ARNT2: variants seen among roughly 807,000 people sequenced by gnomAD.
ARNT2 encodes ARNT protein 2.
In ARNT2, 36 loss-of-function variants were observed where a neutral mutation model predicts 91.7. The ratio of observed to expected loss-of-function variants is 0.39; its 90% CI spans 0.30 to 0.52. The LOEUF (loss-of-function observed/expected upper bound fraction) is 0.52. ARNT2 is among the 20% of genes least tolerant of loss of function. ARNT2 has a pLI of 0.72. For synonymous variants in ARNT2, 365 were observed against 347.1 expected (o/e 1.05, Z -0.57); for missense variants, 775 against 939.3 (o/e 0.83, Z 2.29).
chr15:80,514,650 G>A (rs1483627006), intron 8 of ARNT2, among the ~76,000 whole-genome samples: 1 of 152,220 alleles, frequency 6.6e-6, no homozygotes, highest in Non-Finnish European at 1.5e-5. Context: ...ACTTTGGGGG[G>A]CCAAGGCGGG....
intron 1 of ARNT2, among the ~76,000 whole-genome samples, chr15:80,433,233 A>G (rs1435992920): frequency 3.1e-5 from 3 of 95,550 alleles, no homozygotes; most frequent in Admixed American, 1.0e-4. Context: ...ACTATATTTT[A>G]TTTATTTTAT....
intron 8 of ARNT2, among the ~76,000 whole-genome samples, chr15:80,543,472 C>T (rs1421931631): frequency 2.7e-4 from 41 of 152,196 alleles, no homozygotes; most frequent in Admixed American, 2.7e-3. Flanking sequence ...ATGGGATATA[C>T]TTGCTATCAA....
chr15:80,487,149 C>A (rs1210658751), intron 5 of ARNT2, among the ~76,000 whole-genome samples: 2 of 152,206 alleles, frequency 1.3e-5, no homozygotes, highest in Non-Finnish European at 1.5e-5. Context: ...CCTTGCTGTA[C>A]TTCTCCCTGC....
At chr15:80,441,741 T>C (rs1302886362) in intron 1 of ARNT2, among the ~76,000 whole-genome samples, 1 of 152,188 alleles carries the variant, frequency 6.6e-6, no homozygotes, top group Non-Finnish European at 1.5e-5. Context: ...TACACTGTAT[T>C]ATAGGAATTC....
chr15:80,553,369 C>T (rs1056756734), intron 10 of ARNT2, among the ~76,000 whole-genome samples: 4 of 152,094 alleles, frequency 2.6e-5, no homozygotes, highest in Admixed American at 6.5e-5. Context: ...ATTTAGGAGA[C>T]AATTGAAATG....
chr15:80,566,800 T>A (rs1350025000), intron 12 of ARNT2, among the ~76,000 whole-genome samples: 1 of 152,208 alleles, frequency 6.6e-6, no homozygotes, highest in South Asian at 2.1e-4. Context: ...ATTCTGATTC[T>A]TTTTTTACCT....
chr15:80,522,379 T>A (rs2141434507), intron 8 of ARNT2, among the ~76,000 whole-genome samples: 1 of 152,318 alleles, frequency 6.6e-6, no homozygotes, highest in South Asian at 2.1e-4. Flanking sequence ...TTTGTGCCCT[T>A]AATCAGCATA....
At position 80,596,485 on chromosome 15, in the gene ARNT2, G is replaced by A. The variant is rs1362117171; in HGVS notation, c.*2787G>A. On this transcript the variant is annotated 3_prime_UTR_variant, in exon 19 of 19. Coordinates refer to ENST00000303329, the MANE Select transcript of ARNT2 (RefSeq NM_014862.4). The stretch of plus-strand genomic sequence containing the variant: ...CCAAGGATTTTCAAGACAAACTGGA[G>A]TAAGAATTAAAGCCCCAGAGGATTT... The A allele has an allele frequency of 6.6e-6, 1 of 152,188 alleles. No homozygotes were observed. Among genetic ancestry groups the A allele is most frequent in the African/African-American group, 2.4e-5 (1 of 41,442 alleles). The allele number at this position is 152,188 out of a possible 1,614,324, so 9.4% of individuals were successfully genotyped here.
chr15:80,593,718 C>T lies in ARNT2; in HGVS notation c.*20C>T, dbSNP rs1489083200. The T allele has an allele frequency of 6.3e-7, 1 of 1,582,206 alleles. No homozygotes were observed. The highest frequency in any genetic ancestry group is 1.1e-5 in the South Asian group (1 of 87,642). ...GAGTAGCTGCGGCCAGAGTGAGGCT[C>T]CTGCTGTACAGTGCCACCCATACTG... On this transcript the variant is annotated 3_prime_UTR_variant, in exon 19 of 19. Transcript: ENST00000303329.
chr15:80,453,848 C>A (rs1031554180), intron 2 of ARNT2, among the ~76,000 whole-genome samples: 12 of 152,264 alleles, frequency 7.9e-5, no homozygotes, highest in African/African-American at 2.9e-4. Flanking sequence ...TGGCAAGGAC[C>A]TTCCCACACC....
At chr15:80,505,203 G>A (rs961874604) in intron 5 of ARNT2, among the ~76,000 whole-genome samples, 12 of 152,202 alleles carry the variant, frequency 7.9e-5, no homozygotes, top group South Asian at 2.1e-4. Flanking sequence ...ATGGACCAGC[G>A]AGTCTGAGTG....
In ARNT2 at chr15:80,580,499, A is replaced by G; in HGVS notation, c.1702A>G (p.Asn568Asp). ...QNMSQISRQL[N>D]QSQVAWTGSR... The stretch of plus-strand genomic sequence containing the variant: ...CATGTCCCAAATCTCCCGGCAGCTA[A>G]ACCAGAGTCAGGTGGCATGGACAGG... Residue 568 changes from asparagine (N) to aspartate (D), a missense_variant, in exon 16 of 19, where the codon AAC (asparagine) becomes GAC (aspartate). Asn to Asp is a conservative substitution (Grantham distance 23, BLOSUM62 1). Coordinates refer to ENST00000303329, the MANE Select transcript of ARNT2 (RefSeq NM_014862.4). The G allele has an allele frequency of 6.2e-7, 1 of 1,614,158 alleles. No individual in the cohort carries two copies.
rs187840132 is a variant in ARNT2, at chr15:80,427,153, G to T, written c.31+22607G>T. On this transcript the variant is annotated intron_variant, in intron 1 of 18. Coordinates refer to ENST00000303329, the MANE Select transcript of ARNT2 (RefSeq NM_014862.4). ...GATATCGTAGTGACCCGTGTTTGGG[G>T]CAATAAGGTAATAAATTCGGGCAAA... is the stretch of plus-strand genomic sequence containing the variant. Among the ~76,000 whole-genome samples the T allele has an allele frequency of 3.9e-5, 6 of 152,248 alleles. No individual in the cohort carries two copies. The East Asian group carries it at 1.2e-3, about 29-fold the overall frequency.
intron 11 of ARNT2, among the ~76,000 whole-genome samples, chr15:80,559,417 C>A (rs1473745924): frequency 6.6e-6 from 1 of 152,184 alleles, no homozygotes; most frequent in Admixed American, 6.5e-5. Context: ...GCACCTCGGC[C>A]CCGTGCTTGT....
At chr15:80,499,194 TC>T (rs1419924644) in intron 5 of ARNT2, among the ~76,000 whole-genome samples, 2 of 152,218 alleles carry the variant, frequency 1.3e-5, no homozygotes, top group Non-Finnish European at 2.9e-5. Flanking sequence ...TCCCAGCAAT[TC>T]TTGGCATATC....
In ARNT2 at chr15:80,484,392, C is replaced by T. The variant is rs554068860; in HGVS notation, c.622+9169C>T. 5.9e-5 allele frequency among the ~76,000 whole-genome samples: 9 copies of T among 152,294 alleles called. No individual in the cohort carries two copies. The East Asian group carries it at 7.7e-4, about 13-fold the overall frequency. ...TTGCCAGAGGTGCTTGATAAATGCACGTGAGAATGAAATCTGAGAATTGCT... is the reference window on the plus strand; with the variant it reads ...TTGCCAGAGGTGCTTGATAAATGCATGTGAGAATGAAATCTGAGAATTGCT... On this transcript the variant is annotated intron_variant, in intron 5 of 18. Transcript: ENST00000303329.
rs188577274 is a variant in ARNT2, at chr15:80,579,592, G to A, written c.1614-819G>A. ...CTTGACTGATTCATGGGCACCCAGC[G>A]CACTGCCCTGCATGCTGAGCTAGTC... On this transcript the variant is annotated intron_variant, in intron 15 of 18. Coordinates refer to ENST00000303329, the MANE Select transcript of ARNT2 (RefSeq NM_014862.4). 4.0e-3 allele frequency among the ~76,000 whole-genome samples: 610 copies of A among 152,246 alleles called. 2 individuals carry two copies. Among genetic ancestry groups the A allele is most frequent in the Non-Finnish European group, 5.7e-3 (388 of 68,018 alleles).
chr15:80,455,216 G>A (rs1022830706), intron 2 of ARNT2, among the ~76,000 whole-genome samples: 6 of 152,172 alleles, frequency 3.9e-5, no homozygotes, highest in African/African-American at 9.7e-5. Flanking sequence ...GGGTTGCATT[G>A]TTTTCCATGT....
At chr15:80,415,653 CA>C (rs1339204837) in intron 1 of ARNT2, among the ~76,000 whole-genome samples, 4 of 152,128 alleles carry the variant, frequency 2.6e-5, no homozygotes, top group Non-Finnish European at 5.9e-5. Flanking sequence ...GTCCACGTAA[CA>C]TTGGATGTGG....
Sources: allele counts gnomAD v4.1 joint callset (sites outside exome capture counted in the v4.1 genomes callset), GRCh38; gene constraint gnomAD v4.1.1; transcripts MANE v1.5; gene names NCBI Gene and HGNC (gene_info 2026-07-23, HGNC 2026-07-21).